Variants in CAAP1 observed in about 807,000 individuals in gnomAD.
The protein encoded by CAAP1 is conserved anti-apoptotic protein.
Under a neutral mutation model 34.0 loss-of-function variants are expected in CAAP1, and 20 were observed. That is an observed-to-expected ratio of 0.59 (90% CI 0.41 to 0.86). The LOEUF is 0.86. CAAP1 is among the 40% of genes least tolerant of loss of function. The pLI is 0.00. For missense variants in CAAP1, 538 were observed against 450.5 expected (o/e 1.19, Z -1.76); for synonymous variants, 213 against 166.7 (o/e 1.28, Z -2.14).
intron 5 of CAAP1, among the ~76,000 whole-genome samples, chr9:26,849,682 T>C (rs1214509732): frequency 6.6e-6 from 1 of 150,754 alleles, no homozygotes; most frequent in Non-Finnish European, 1.5e-5. Context: ...CTGTTTTTAT[T>C]TCCTTTTTTT....
At chr9:26,877,572 G>C (rs912566433) in intron 4 of CAAP1, among the ~76,000 whole-genome samples, 1 of 152,070 alleles carries the variant, frequency 6.6e-6, no homozygotes, top group South Asian at 2.1e-4. Context: ...AGGAGCAAGG[G>C]TTCAATTTCA....
chr9:26,880,733 T>G (rs1036093878), intron 4 of CAAP1, among the ~76,000 whole-genome samples: 2 of 152,136 alleles, frequency 1.3e-5, no homozygotes, highest in African/African-American at 2.4e-5. Context: ...AGGAGTGCAG[T>G]TGTGGGATTT....
intron 4 of CAAP1, among the ~76,000 whole-genome samples, chr9:26,871,944 A>AATAAATAAATAC (rs1261740050): frequency 2.0e-5 from 3 of 151,630 alleles, no homozygotes; most frequent in African/African-American, 7.3e-5. Context: ...TAAATAAATA[A>AATAAATAAATAC]AATAAAAAAT....
chr9:26,843,471 C>T (rs564846619), intron 5 of CAAP1, among the ~76,000 whole-genome samples: 3 of 151,934 alleles, frequency 2.0e-5, no homozygotes, highest in Non-Finnish European at 4.4e-5. Flanking sequence ...GTTTTTCTTG[C>T]ATTTTCTTTT....
At chr9:26,851,900 T>C (rs1822760709) in intron 5 of CAAP1, among the ~76,000 whole-genome samples, 1 of 152,110 alleles carries the variant, frequency 6.6e-6, no homozygotes, top group Non-Finnish European at 1.5e-5. Context: ...AATCTACCCA[T>C]CCTAGGAAAG....
intron 1 of CAAP1, among the ~76,000 whole-genome samples, chr9:26,891,538 A>G (rs1823903567): frequency 6.6e-6 from 1 of 151,860 alleles, no homozygotes; most frequent in Admixed American, 6.6e-5. Flanking sequence ...TGTAGGAGAT[A>G]TATACATAAA....
chr9:26,859,979 C>T (rs1822967604), intron 5 of CAAP1, among the ~76,000 whole-genome samples: 1 of 152,110 alleles, frequency 6.6e-6, no homozygotes, highest in Non-Finnish European at 1.5e-5. Context: ...TAATAAAAGA[C>T]CAGTTTTTAA....
intron 5 of CAAP1, among the ~76,000 whole-genome samples, chr9:26,848,969 G>A (rs1484673125): frequency 6.6e-6 from 1 of 152,162 alleles, no homozygotes; most frequent in Non-Finnish European, 1.5e-5. Flanking sequence ...AATCTGAGCA[G>A]TGACTGGTTC....
In CAAP1 at chr9:26,842,222, C is replaced by T. The variant is rs1437115144; in HGVS notation, c.*79G>A. On this transcript the variant is annotated 3_prime_UTR_variant, in exon 6 of 6. Coordinates refer to ENST00000333916, the MANE Select transcript of CAAP1 (RefSeq NM_024828.4). ...TTACATGAGAAATAACATATAAGAC[C>T]CCAAATAAATTTTAGATACAAAATT... 3.5e-6 allele frequency: 4 copies of T among 1,151,496 alleles called. No homozygotes were observed. Among genetic ancestry groups the T allele is most frequent in the Non-Finnish European group, 4.9e-6 (4 of 824,580 alleles). The allele number at this position is 1,151,496 out of a possible 1,614,324, so 71.3% of individuals were successfully genotyped here.
intron 4 of CAAP1, among the ~76,000 whole-genome samples, chr9:26,871,741 T>C (rs1171083879): frequency 1.3e-5 from 2 of 151,888 alleles, no homozygotes; most frequent in South Asian, 4.2e-4. Flanking sequence ...CTGGCCAACA[T>C]GGTGAAACCC....
At chr9:26,875,201 A>G (rs536797221) in intron 4 of CAAP1, among the ~76,000 whole-genome samples, 2 of 152,204 alleles carry the variant, frequency 1.3e-5, no homozygotes, top group Admixed American at 6.5e-5. Flanking sequence ...CCTAGGCAAC[A>G]TGGTGAAACC....
In CAAP1 at chr9:26,842,416, G is replaced by C; in HGVS notation, c.971C>G (p.Pro324Arg). ...AGAAGGTTGAACATCTTCTGGTGGA[G>C]GAACAGCCAGGGTGGCTGCTTTGGG... ...NEPKAATLAV[P>R]PPEDVQPSAQ... The change falls in exon 6 of 6, where the codon CCT (proline) becomes CGT (arginine). Residue 324 changes from proline to arginine, a missense_variant. Physicochemically the swap from Pro to Arg is moderately radical, Grantham distance 103 (BLOSUM62 -2). Around this residue, in one of 3 missense-constraint regions of CAAP1, gnomAD observed 514 missense variants for 408.4 expected, o/e 1.26. Transcript: ENST00000333916. 3 of 1,614,156 alleles carry C rather than the reference G, an allele frequency of 1.9e-6. No individual in the cohort carries two copies. Among genetic ancestry groups the C allele is most frequent in the Non-Finnish European group, 2.5e-6 (3 of 1,180,030 alleles).
intron 4 of CAAP1, among the ~76,000 whole-genome samples, chr9:26,872,279 G>T (rs1216059749): frequency 6.6e-6 from 1 of 152,052 alleles, no homozygotes; most frequent in Non-Finnish European, 1.5e-5. Flanking sequence ...AGCATAAATA[G>T]CAGTCTGCAG....
At chr9:26,876,550 T>G (rs1823437351) in intron 4 of CAAP1, among the ~76,000 whole-genome samples, 1 of 151,628 alleles carries the variant, frequency 6.6e-6, no homozygotes, top group Admixed American at 6.6e-5. Flanking sequence ...AAGTGCCCTG[T>G]ACAGGTGTAT....
At chr9:26,870,095 T>A (rs903394363) in intron 4 of CAAP1, 3 of 263,232 alleles carry the variant, frequency 1.1e-5, no homozygotes, top group African/African-American at 7.0e-5. Context: ...ATAACAATGC[T>A]TCCCAAGTCC....
chr9:26,871,393 C>A (rs1823270902), intron 4 of CAAP1, among the ~76,000 whole-genome samples: 1 of 152,008 alleles, frequency 6.6e-6, no homozygotes, highest in Non-Finnish European at 1.5e-5. Flanking sequence ...GCCTGGCCAG[C>A]ATGGTGAAAC....
chr9:26,877,034 G>C (rs1823452343), intron 4 of CAAP1, among the ~76,000 whole-genome samples: 1 of 152,078 alleles, frequency 6.6e-6, no homozygotes, highest in Admixed American at 6.6e-5. Context: ...CAGGCCTATA[G>C]TCCCAGCTGC....
intron 5 of CAAP1, among the ~76,000 whole-genome samples, chr9:26,860,271 G>A (rs1413253501): frequency 6.6e-6 from 1 of 152,180 alleles, no homozygotes; most frequent in Non-Finnish European, 1.5e-5. Context: ...CCCTACAAAT[G>A]TACTTGGCTT....
At chr9:26,870,880 G>C (rs918641926) in intron 4 of CAAP1, among the ~76,000 whole-genome samples, 11 of 152,208 alleles carry the variant, frequency 7.2e-5, no homozygotes, top group African/African-American at 2.4e-4. Context: ...GCCCCCTAAA[G>C]AGCTGGGATT....
Sources: gnomAD v4.1 joint callset for allele counts (sites outside exome capture counted in the v4.1 genomes callset) on GRCh38, gnomAD v4.1.1 for gene constraint, gnomAD v4.1.1 regional missense constraint, MANE v1.5 for transcripts, NCBI Gene and HGNC (gene_info 2026-07-23, HGNC 2026-07-21) for gene names.